TRIM7: variants seen among roughly 807,000 people sequenced by gnomAD.
TRIM7 encodes the protein E3 ubiquitin-protein ligase TRIM7.
A neutral mutation model predicts 37.9 loss-of-function variants in TRIM7; 32 were observed. That is an observed-to-expected ratio of 0.84 (90% CI 0.64 to 1.13). TRIM7 has a LOEUF of 1.13. Ranked by LOEUF, TRIM7 falls within the 50% of genes most tolerant of loss-of-function variation. The pLI is 0.00. For missense variants in TRIM7, 732 were observed against 714.0 expected, an observed-to-expected ratio of 1.03 and a Z score of -0.29; for synonymous variants, 351 against 321.3, an observed-to-expected ratio of 1.09 and a Z score of -0.99.
rs563116759 is a variant in TRIM7 at position 181,204,734 on chromosome 5, G to C, written c.377C>G (p.Ala126Gly). 109 of 1,466,360 alleles carry C rather than the reference G, an allele frequency of 7.4e-5. No individual in the cohort carries two copies. In the African/African-American group the frequency reaches 1.6e-3, roughly 21 times the overall value. The allele number at this position is 1,466,360 out of a possible 1,614,324, so 90.8% of individuals were successfully genotyped here. A position where few individuals can be genotyped will look rare whatever the true frequency, so the allele number is the denominator to read the frequency against. Residue 126 changes from alanine (A) to glycine (G), a missense_variant, in exon 1 of 7, where the codon GCG becomes GGG. Coordinates refer to ENST00000274773, the MANE Select transcript of TRIM7 (RefSeq NM_203293.3). ...HGSQAAAARA[A>G]AARCGQHGEP... ...GCCATGCTGCCCGCAGCGGGCAGCCGCTGCCCGGGCCGCGGCCGCCTGAGA... is the reference window on the plus strand; with the variant it reads ...GCCATGCTGCCCGCAGCGGGCAGCCCCTGCCCGGGCCGCGGCCGCCTGAGA...
At chr5:181,195,722 C>G (rs1451000695) in intron 6 of TRIM7, 45 bp from the exon 7 acceptor site, 2 of 1,506,066 alleles carry the variant, frequency 1.3e-6, no homozygotes, top group Non-Finnish European at 1.8e-6. Flanking sequence ...AGCCAGGCCC[C>G]TGGCACAGTC....
At position 181,203,811 on chromosome 5, in the gene TRIM7, G is replaced by T. The variant is rs1582239948; in HGVS notation, c.523-171C>A. The T allele has an allele frequency of 1.8e-5, 24 of 1,370,870 alleles. No individual in the cohort carries two copies. The East Asian group carries it at 6.7e-4, about 38-fold the overall frequency. 84.9% of individuals were successfully genotyped at this position (1,370,870 alleles called of 1,614,324 possible). On this transcript the variant is annotated intron_variant, in intron 1 of 6. Transcript: ENST00000274773. Reference sequence around the variant, plus strand: ...GTTACACTGCGAGGTGACTCTGAAGGTCTCGGGATCTTGCTTCCCCAAAAG... The same window carrying T: ...GTTACACTGCGAGGTGACTCTGAAGTTCTCGGGATCTTGCTTCCCCAAAAG...
In TRIM7 at chr5:181,203,117, A is replaced by AT. The variant is rs553646659; in HGVS notation, c.618+427dup. On this transcript the variant is annotated intron_variant, in intron 2 of 6. Coordinates refer to ENST00000274773, the MANE Select transcript of TRIM7 (RefSeq NM_203293.3). ...CAAATAAAAACACTGTGAACATGAAATTTTTTTCACTACTGTTTTGTTGAC... is the reference window on the plus strand; with the variant it reads ...CAAATAAAAACACTGTGAACATGAAATTTTTTTTCACTACTGTTTTGTTGAC... 1,831 of 337,820 alleles carry AT rather than the reference A, an allele frequency of 5.4e-3. 5 individuals are homozygous for AT. The highest frequency in any genetic ancestry group is 0.019 in the Middle Eastern group (14 of 730). The allele number at this position is 337,820 out of a possible 1,614,324, so 20.9% of individuals were successfully genotyped here. A position where few individuals can be genotyped will look rare whatever the true frequency, so the allele number is the denominator to read the frequency against.
chr5:181,196,824 A>G (rs1014499203), intron 6 of TRIM7: 2 of 152,084 alleles, frequency 1.3e-5, no homozygotes, highest in Non-Finnish European at 2.9e-5. Flanking sequence ...CATTCTTTAC[A>G]CTCTTCTCTC....
rs1176443859 is a variant in TRIM7, at chr5:181,195,517, G to A, written c.1185C>T (p.Gly395=). 1.9e-6 allele frequency: 3 copies of A among 1,612,510 alleles called. No individual in the cohort carries two copies. The highest frequency in any genetic ancestry group is 1.3e-5 in the African/African-American group (1 of 74,920). ...RVLASCGFSS[G]RHHWEVEVGS... ...CCACCTCCACCTCCCAGTGATGCCG[G>A]CCCGAGGAGAAGCCGCAGGACGCCA... is the stretch of plus-strand genomic sequence containing the variant. The change falls in exon 7 of 7, where the codon GGC becomes GGT. Residue 395 remains glycine (G), a synonymous_variant. Coordinates refer to ENST00000274773, the MANE Select transcript of TRIM7 (RefSeq NM_203293.3).
chr5:181,203,739 G>A (rs1056758174), intron 1 of TRIM7, 99 bp from the exon 2 acceptor site: 19 of 1,508,246 alleles, frequency 1.3e-5, no homozygotes, highest in Non-Finnish European at 1.5e-5. Context: ...GGAAGGCCCT[G>A]CTCACTGAGG....
rs545094132 is a variant in TRIM7 at position 181,194,455 on chromosome 5, C to G, written c.*711G>C. 2 of 145,880 alleles carry G rather than the reference C, an allele frequency of 1.4e-5. No individual in the cohort carries two copies. Among genetic ancestry groups the G allele is most frequent in the African/African-American group, 5.7e-5 (2 of 35,298 alleles). 9.0% of individuals were successfully genotyped at this position (145,880 alleles called of 1,614,324 possible). On this transcript the variant is annotated 3_prime_UTR_variant, in exon 7 of 7. Coordinates refer to ENST00000274773, the MANE Select transcript of TRIM7 (RefSeq NM_203293.3). ...TCCAAGCAGCGTTTGTACTTTGGCA[C>G]TGGAAAGTGCGGGAGTCAGGGGTTT...
chr5:181,203,476 C>A, intron 2 of TRIM7, 69 bp downstream of exon 2: 1 of 1,602,054 alleles, frequency 6.2e-7, no homozygotes, highest in Non-Finnish European at 8.5e-7. Flanking sequence ...ACCACACACA[C>A]CGAGCCCTGG....
rs1471468116 is a variant in TRIM7, at chr5:181,204,809, G to A, written c.302C>T (p.Thr101Met). Residue 101 changes from threonine (T) to methionine (M), a missense_variant, in exon 1 of 7, where the codon ACG (threonine) becomes ATG (methionine). Coordinates refer to ENST00000274773, the MANE Select transcript of TRIM7 (RefSeq NM_203293.3). ...GGGCAGGCTGAAGCGCCGCAGGAGC[G>A]TGGCCACTGCCGCCAGCTGCCGGTT... is the stretch of plus-strand genomic sequence containing the variant. ...RPNRQLAAVA[T>M]LLRRFSLPAA... The A allele has an allele frequency of 7.2e-7, 1 of 1,398,444 alleles. No individual in the cohort carries two copies. The highest frequency in any genetic ancestry group is 3.1e-5 in the Admixed American group (1 of 32,426). The allele number at this position is 1,398,444 out of a possible 1,614,324, so 86.6% of individuals were successfully genotyped here.
intron 2 of TRIM7, chr5:181,202,749 G>A (rs1471327658): frequency 2.7e-5 from 4 of 147,020 alleles, no homozygotes; most frequent in Admixed American, 1.3e-4. Flanking sequence ...ATTTTTAGTA[G>A]AGACAGGGGT....
At chr5:181,203,877 GC>G (rs1318423826) in intron 1 of TRIM7, 1 of 1,298,680 alleles carries the variant, frequency 7.7e-7, no homozygotes, top group African/African-American at 1.5e-5. Flanking sequence ...AGCTCCGGCA[GC>G]CCTACCCCTA....
In TRIM7 at chr5:181,205,015, G is replaced by A; in HGVS notation, c.96C>T (p.Cys32=). 4.7e-6 allele frequency: 7 copies of A among 1,474,000 alleles called. No individual in the cohort carries two copies. The highest frequency in any genetic ancestry group is 6.2e-6 in the Non-Finnish European group (7 of 1,120,504). 91.3% of individuals were successfully genotyped at this position (1,474,000 alleles called of 1,614,324 possible). The part of the protein sequence containing the change: ...ELQGEATCSI[C]LELFREPVSV... The stretch of plus-strand genomic sequence containing the variant: ...ACACCGGCTCACGAAAGAGCTCTAG[G>A]CAGATGGAGCACGTCGCCTCGCCCT... Residue 32 remains cysteine, a synonymous_variant, in exon 1 of 7, where the codon TGC becomes TGT. Coordinates refer to ENST00000274773, the MANE Select transcript of TRIM7 (RefSeq NM_203293.3).
intron 2 of TRIM7, among the ~76,000 whole-genome samples, chr5:181,201,633 A>G (rs1226793333): frequency 6.6e-6 from 1 of 151,940 alleles, no homozygotes; most frequent in Non-Finnish European, 1.5e-5. Context: ...CGGGTGTAGT[A>G]GTGCACACCT....
At chr5:181,199,502 T>C (rs1304476809) in intron 3 of TRIM7, 1 of 475,130 alleles carries the variant, frequency 2.1e-6, no homozygotes. Flanking sequence ...TCTTAACCCA[T>C]CTATGGATTG....
chr5:181,195,099 C>CAT lies in TRIM7; in HGVS notation c.*65_*66dup. 1.3e-6 allele frequency: 2 copies of CAT among 1,529,338 alleles called. No homozygotes were observed. 94.7% of individuals were successfully genotyped at this position (1,529,338 alleles called of 1,614,324 possible). The stretch of plus-strand genomic sequence containing the variant: ...GAGGGCAGACCCAAGACGGACCAGG[C>CAT]ATCTCTGGGGAGGCGACATCCCCTC... On this transcript the variant is annotated 3_prime_UTR_variant, in exon 7 of 7. Coordinates refer to ENST00000274773, the MANE Select transcript of TRIM7 (RefSeq NM_203293.3).
intron 2 of TRIM7, chr5:181,202,621 C>CAGT (rs1757563213): frequency 1.3e-5 from 2 of 149,862 alleles, no homozygotes; most frequent in Non-Finnish European, 3.0e-5. Flanking sequence ...GGCTGGAGTG[C>CAGT]AGTGGCGCGA....
At position 181,199,850 on chromosome 5, in the gene TRIM7, C is replaced by T; in HGVS notation, c.849+1G>A. 1 of 1,612,760 alleles carries T rather than the reference C, an allele frequency of 6.2e-7. No homozygotes were observed. Among genetic ancestry groups the T allele is most frequent in the South Asian group, 1.1e-5 (1 of 90,878 alleles). On this transcript the variant is annotated splice_donor_variant, in intron 3 of 6. Transcript: ENST00000274773. LOFTEE classifies it high-confidence loss of function. ...CGAGCCCCTGGCTGAGCCAGACTTA[C>T]CTGGAGAAAGTCAAGGTCAGGCTTT...
chr5:181,204,791 C>G lies in TRIM7; in HGVS notation c.320G>C (p.Ser107Thr). The change falls in exon 1 of 7, where the codon AGC becomes ACC. Residue 107 changes from serine (S) to threonine (T), a missense_variant. Physicochemically the swap from Ser to Thr is moderately conservative, Grantham distance 58 (BLOSUM62 1). Coordinates refer to ENST00000274773, the MANE Select transcript of TRIM7 (RefSeq NM_203293.3). ...CTCTCCCGGGGCAGCCGCGGGCAGG[C>G]TGAAGCGCCGCAGGAGCGTGGCCAC... ...AAVATLLRRF[S>T]LPAAAPGEHG... 1 of 1,425,420 alleles carries G rather than the reference C, an allele frequency of 7.0e-7. No homozygotes were observed. Among genetic ancestry groups the G allele is most frequent in the South Asian group, 1.5e-5 (1 of 68,194 alleles). The allele number at this position is 1,425,420 out of a possible 1,614,324, so 88.3% of individuals were successfully genotyped here.
chr5:181,204,194 T>G (rs1355732176), intron 1 of TRIM7: 4 of 1,016,008 alleles, frequency 3.9e-6, no homozygotes, highest in Admixed American at 5.8e-5. Flanking sequence ...CAGAGCCCGC[T>G]TCGGGGAAAG....
Sources: gnomAD v4.1 joint callset for allele counts (sites outside exome capture counted in the v4.1 genomes callset) on GRCh38, gnomAD v4.1.1 for gene constraint, MANE v1.5 for transcripts, NCBI Gene and HGNC (gene_info 2026-07-23, HGNC 2026-07-21) for gene names.